Variants in MAP7 observed in about 807,000 individuals in gnomAD.
The protein encoded by MAP7 is ensconsin.
In MAP7, 52 loss-of-function variants were observed where a neutral mutation model predicts 94.8. The ratio of observed to expected loss-of-function variants is 0.55; its 90% CI spans 0.44 to 0.69. The LOEUF is 0.69. Ranked by LOEUF, MAP7 falls within the 30% of genes least tolerant of loss-of-function variation. MAP7 has a pLI of 0.00. For synonymous variants in MAP7, 350 were observed against 357.0 expected (o/e 0.98, Z 0.22); for missense variants, 940 against 964.6 (o/e 0.97, Z 0.34).
chr6:136,421,819 G>T lies in MAP7; in HGVS notation c.68-20C>A. 6.4e-7 allele frequency: 1 copy of T among 1,561,314 alleles called. No individual in the cohort carries two copies. The highest frequency in any genetic ancestry group is 8.7e-7 in the Non-Finnish European group (1 of 1,150,288). ...CGGGTGCTACAGAAATGAGACAAAA[G>T]AGAAAAGACACATTTAGTTTCTTAA... On this transcript the variant is annotated intron_variant, in intron 1 of 17. Coordinates refer to ENST00000354570, the MANE Select transcript of MAP7 (RefSeq NM_003980.6).
intron 7 of MAP7, among the ~76,000 whole-genome samples, chr6:136,373,050 A>G (rs1775042592): frequency 6.6e-6 from 1 of 152,238 alleles, no homozygotes; most frequent in Admixed American, 6.5e-5. Context: ...CTTTTCCTAA[A>G]TTAGCTTTAA....
At chr6:136,481,880 T>C (rs1014121946) in intron 1 of MAP7, among the ~76,000 whole-genome samples, 5 of 152,146 alleles carry the variant, frequency 3.3e-5, no homozygotes, top group African/African-American at 1.2e-4. Context: ...ACCCCATAAA[T>C]ATATATAGCC....
In MAP7 at chr6:136,362,637, GGGCTGGAGCTGGGGCCGA is replaced by G. The variant is rs780805556; in HGVS notation, c.1321_1338del (p.Ser441_Ala446del). 943 of 1,611,310 alleles carry G rather than the reference GGGCTGGAGCTGGGGCCGA, an allele frequency of 5.9e-4. 6 individuals carry two copies. The highest frequency in any genetic ancestry group is 3.9e-3 in the East Asian group (177 of 44,824). ...GAGACCATGGCTGGGGTGGGGACCG[GGGCTGGAGCTGGGGCCGA>G]GGCTGGAGCTGGGGCCGAGGCTGGA... On this transcript the variant is annotated inframe_deletion, in exon 11 of 18. Coordinates refer to ENST00000354570, the MANE Select transcript of MAP7 (RefSeq NM_003980.6).
At chr6:136,526,108 T>C in intron 1 of MAP7, 1 of 1,356,900 alleles carries the variant, frequency 7.4e-7, no homozygotes, top group South Asian at 1.9e-5. Context: ...GGGTAAACAG[T>C]TTGCAAACAG....
chr6:136,384,650 A>G (rs1778707103), intron 5 of MAP7, among the ~76,000 whole-genome samples: 1 of 152,040 alleles, frequency 6.6e-6, no homozygotes, highest in South Asian at 2.1e-4. Flanking sequence ...CGCCCAGCTA[A>G]TATTTTAATT....
At chr6:136,392,509 A>G (rs1781087749) in intron 3 of MAP7, among the ~76,000 whole-genome samples, 1 of 149,532 alleles carries the variant, frequency 6.7e-6, no homozygotes, top group Admixed American at 6.8e-5. Context: ...TCTATATACT[A>G]TACCTTATTT....
At chr6:136,384,535 C>T (rs1252746121) in intron 5 of MAP7, among the ~76,000 whole-genome samples, 7 of 150,964 alleles carry the variant, frequency 4.6e-5, no homozygotes, top group Admixed American at 4.0e-4. Context: ...GCTCTGTTGG[C>T]CAGGCTGGCA....
At chr6:136,545,588 A>G (rs1474766673) in intron 1 of MAP7, 1 of 152,178 alleles carries the variant, frequency 6.6e-6, no homozygotes, top group Non-Finnish European at 1.5e-5. Flanking sequence ...TCGATGAACA[A>G]TCATTCCTAA....
At chr6:136,489,526 CTT>C (rs1164047042) in intron 1 of MAP7, among the ~76,000 whole-genome samples, 8 of 102,982 alleles carry the variant, frequency 7.8e-5, no homozygotes, top group Middle Eastern at 5.4e-3. Context: ...CATCAGGTTT[CTT>C]TTTTTTTTTT....
At chr6:136,365,296 C>T (rs1582684224) in intron 10 of MAP7, among the ~76,000 whole-genome samples, 1 of 152,196 alleles carries the variant, frequency 6.6e-6, no homozygotes, top group East Asian at 1.9e-4. Flanking sequence ...GCCCCACCCT[C>T]TATCTTCAAA....
intron 1 of MAP7, among the ~76,000 whole-genome samples, chr6:136,478,979 C>CAAAAAAAAAAAAAAAAAAAAAAAAAAAAA (rs59319740): frequency 2.2e-5 from 1 of 45,542 alleles, no homozygotes; most frequent in African/African-American, 5.3e-5. Flanking sequence ...ACAGACACAT[C>CAAAAAAAAAAAAAAAAAAAAAAAAAAAAA]AAAAAAAAAA....
At position 136,360,785 on chromosome 6, in the gene MAP7, G is replaced by GCTT. The variant is rs143950846; in HGVS notation, c.1712_1714dup (p.Glu571dup). The GCTT allele has an allele frequency of 6.2e-7, 1 of 1,613,934 alleles. No individual in the cohort carries two copies. Among genetic ancestry groups the GCTT allele is most frequent in the Non-Finnish European group, 8.5e-7 (1 of 1,180,006 alleles). The stretch of plus-strand genomic sequence containing the variant: ...CCTCTCTGCTTCTTCACGAACGCGA[G>GCTT]CTTCTTCTTCTTTCTGAAAACAGAA... On this transcript the variant is annotated inframe_insertion, in exon 13 of 18. Transcript: ENST00000354570.
In MAP7 at chr6:136,388,397, A is replaced by C. The variant is rs1163783001; in HGVS notation, c.522T>G (p.Ser174Arg). Reference sequence around the variant, plus strand: ...TTCAAAGTGGTCACTGTTTACCTGCACTGTGGATGCTAGGGCTCCCATGGA... The same window carrying C: ...TTCAAAGTGGTCACTGTTTACCTGCCCTGTGGATGCTAGGGCTCCCATGGA... ...GSLHGSPSIHSADPDRRSVST... is the reference protein window; with the variant it reads ...GSLHGSPSIHRADPDRRSVST... The change falls in exon 5 of 18, where the codon AGT becomes AGG. Residue 174 changes from serine to arginine, a missense_variant. Ser to Arg is a moderately radical substitution (Grantham distance 110). Transcript: ENST00000354570. 1 of 1,612,728 alleles carries C rather than the reference A, an allele frequency of 6.2e-7. No homozygotes were observed. Among genetic ancestry groups the C allele is most frequent in the Non-Finnish European group, 8.5e-7 (1 of 1,178,946 alleles).
At chr6:136,500,485 A>G (rs1439722062) in intron 1 of MAP7, among the ~76,000 whole-genome samples, 1 of 152,224 alleles carries the variant, frequency 6.6e-6, no homozygotes, top group Non-Finnish European at 1.5e-5. Flanking sequence ...GAATTGCCCT[A>G]AGTTTAGTAA....
chr6:136,362,924 C>T (rs913819867), intron 10 of MAP7, among the ~76,000 whole-genome samples: 4 of 152,224 alleles, frequency 2.6e-5, no homozygotes, highest in Non-Finnish European at 5.9e-5. Flanking sequence ...AAAGCTGACA[C>T]TCTGTCACCA....
chr6:136,396,334 G>T (rs1214963231), intron 3 of MAP7, among the ~76,000 whole-genome samples: 1 of 151,860 alleles, frequency 6.6e-6, no homozygotes, highest in Non-Finnish European at 1.5e-5. Flanking sequence ...AAATGGGATT[G>T]CTTTCTTGAT....
rs1325119971 is a variant in MAP7 at position 136,456,849 on chromosome 6, G to GGAA, written c.68-35053_68-35051dup. On this transcript the variant is annotated intron_variant, in intron 1 of 17. Coordinates refer to ENST00000354570, the MANE Select transcript of MAP7 (RefSeq NM_003980.6). The stretch of plus-strand genomic sequence containing the variant: ...AAGAAGAAGAAGAAGAAGAAGAAGA[G>GGAA]GAAGAAGAAGAAGAAGAAGAAGAAA... Among the ~76,000 whole-genome samples, 245 of 72,508 alleles carry GGAA rather than the reference G, an allele frequency of 3.4e-3. 8 individuals carry two copies. Among genetic ancestry groups the GGAA allele is most frequent in the Middle Eastern group, 6.5e-3 (1 of 154 alleles). The allele number at this position is 72,508 out of a possible 152,430, so 47.6% of individuals were successfully genotyped here. A position where few individuals can be genotyped will look rare whatever the true frequency, so the allele number is the denominator to read the frequency against.
At chr6:136,377,630 C>T (rs1776567709) in intron 7 of MAP7, 125 bp downstream of exon 7, 3 of 685,526 alleles carry the variant, frequency 4.4e-6, no homozygotes, top group South Asian at 1.7e-5. Context: ...AAACCAACAC[C>T]GACAGACATT....
chr6:136,485,316 T>C (rs1562452547), intron 1 of MAP7, among the ~76,000 whole-genome samples: 1 of 152,224 alleles, frequency 6.6e-6, no homozygotes. Flanking sequence ...CATTACATTA[T>C]GTTTATTAGT....
Sources: allele counts gnomAD v4.1 joint callset (sites outside exome capture counted in the v4.1 genomes callset), GRCh38; gene constraint gnomAD v4.1.1; transcripts MANE v1.5; gene names NCBI Gene and HGNC (gene_info 2026-07-23, HGNC 2026-07-21).